Variants in ADA2 observed in about 807,000 individuals in gnomAD.
ADA2 encodes adenosine deaminase 2.
A neutral mutation model predicts 44.2 loss-of-function variants in ADA2; 29 were observed. The ratio of observed to expected loss-of-function variants is 0.66; its 90% CI spans 0.49 to 0.89. The LOEUF is 0.89. Among genes scored for constraint, ADA2 ranks in the 40% least tolerant of loss-of-function variants. The pLI, the probability that ADA2 is intolerant of heterozygous loss-of-function variation, is 0.00. For synonymous variants in ADA2, 215 were observed against 234.9 expected (o/e 0.92, Z 0.77); for missense variants, 637 against 644.8 (o/e 0.99, Z 0.13).
At chr22:17,212,178 C>T (rs936382376) in intron 1 of ADA2, among the ~76,000 whole-genome samples, 2 of 151,918 alleles carry the variant, frequency 1.3e-5, no homozygotes, top group African/African-American at 4.8e-5. Context: ...ACACGTGCCA[C>T]CACGCCCGGC....
At chr22:17,184,448 C>T (rs2062012297) in intron 7 of ADA2, among the ~76,000 whole-genome samples, 1 of 152,166 alleles carries the variant, frequency 6.6e-6, no homozygotes, top group African/African-American at 2.4e-5. Flanking sequence ...TATTTTGCTT[C>T]ACTGGATGTG....
intron 4 of ADA2, among the ~76,000 whole-genome samples, chr22:17,198,966 G>A (rs2062232246): frequency 6.6e-6 from 1 of 152,126 alleles, no homozygotes; most frequent in Admixed American, 6.5e-5. Flanking sequence ...AGGCGAGGGG[G>A]CTCAGCAAAA....
intron 1 of ADA2, among the ~76,000 whole-genome samples, chr22:17,212,093 C>G (rs1288013595): frequency 4.0e-5 from 6 of 151,800 alleles, no homozygotes; most frequent in Non-Finnish European, 7.4e-5. Context: ...GGCGCGATCT[C>G]GGCTCACCGT....
chr22:17,201,442 AT>A (rs2062286505), intron 4 of ADA2, among the ~76,000 whole-genome samples: 1 of 152,162 alleles, frequency 6.6e-6, no homozygotes, highest in African/African-American at 2.4e-5. Context: ...TACTGCCACC[AT>A]GTGGGCCTTT....
rs61262653 is a variant in ADA2 at position 17,207,540 on chromosome 22, A to G, written c.323-250T>C. Among the ~76,000 whole-genome samples, 622 of 152,166 alleles carry G rather than the reference A, an allele frequency of 4.1e-3. 9 individuals carry two copies. The highest frequency in any genetic ancestry group is 0.014 in the African/African-American group (593 of 41,512). ...CAAGCAGAAGGATTTCTGTCCAGAC[A>G]TGTTTCTCGGAACTTGTTTAAGGCT... is the stretch of plus-strand genomic sequence containing the variant. On this transcript the variant is annotated intron_variant, in intron 2 of 9. Transcript: ENST00000399837.
chr22:17,208,821 TAAAAAAAAAAATTAACA>T (rs2062384853), intron 2 of ADA2, among the ~76,000 whole-genome samples: 2 of 136,962 alleles, frequency 1.5e-5, no homozygotes, highest in Non-Finnish European at 3.2e-5. Flanking sequence ...TTTTTTTTAA[TAAAAAAAAAAATTAACA>T]TTTTTTGGGG....
In ADA2 at chr22:17,185,885, C is replaced by T. The variant is rs141205148; in HGVS notation, c.1081+2454G>A. ...TGGGATGCTGAAGAGAGCTGCCCTC[C>T]TGGTCCCGGCCTCCATGTGAACAGC... On this transcript the variant is annotated intron_variant, in intron 7 of 9. Transcript: ENST00000399837. Among the ~76,000 whole-genome samples, 360 of 152,338 alleles carry T rather than the reference C, an allele frequency of 2.4e-3. 1 individual carries two copies. The highest frequency in any genetic ancestry group is 8.3e-3 in the African/African-American group (344 of 41,576).
intron 4 of ADA2, chr22:17,193,073 C>T: frequency 2.2e-6 from 2 of 894,772 alleles, no homozygotes; most frequent in Non-Finnish European, 1.8e-6. Flanking sequence ...CGATGCCCAA[C>T]AGTGGTTATG....
chr22:17,208,734 CA>C (rs1460899700), intron 2 of ADA2, among the ~76,000 whole-genome samples: 3 of 151,346 alleles, frequency 2.0e-5, no homozygotes, highest in Non-Finnish European at 2.9e-5. Context: ...ACCTGGGAGG[CA>C]GAGGTTGCAG....
At chr22:17,188,752 G>GC (rs2062072582) in intron 6 of ADA2, 1 of 177,366 alleles carries the variant, frequency 5.6e-6, no homozygotes, top group Non-Finnish European at 1.2e-5. Flanking sequence ...GGTAGCGGGT[G>GC]CCTGTAGTCC....
chr22:17,221,521 G>A (rs1047871138), upstream of ADA2, among the ~76,000 whole-genome samples: 1 of 151,906 alleles, frequency 6.6e-6, no homozygotes, highest in Non-Finnish European at 1.5e-5. Context: ...TAAAGATCAA[G>A]CTTTTCTTTC....
chr22:17,198,741 G>A (rs2062226183), intron 4 of ADA2: 1 of 152,278 alleles, frequency 6.6e-6, no homozygotes, highest in East Asian at 1.9e-4. Context: ...TCTTGGAAGA[G>A]CCCCATGCTA....
At chr22:17,203,828 C>T (rs1489555905) in intron 3 of ADA2, 55 bp from the exon 4 acceptor site, 27 of 1,269,674 alleles carry the variant, frequency 2.1e-5, no homozygotes, top group Non-Finnish European at 2.7e-5. Context: ...ACACTGCCCC[C>T]GGGCGCCCAT....
At chr22:17,185,739 A>G (rs973802875) in intron 7 of ADA2, among the ~76,000 whole-genome samples, 2 of 152,120 alleles carry the variant, frequency 1.3e-5, no homozygotes, top group African/African-American at 4.8e-5. Context: ...GGAAAAAGAG[A>G]TTAATGCACA....
upstream of ADA2, among the ~76,000 whole-genome samples, chr22:17,220,752 C>A (rs1184832879): frequency 6.6e-6 from 1 of 152,070 alleles, no homozygotes; most frequent in African/African-American, 2.4e-5. Context: ...TTCTGCAGCT[C>A]CCATACATCT....
Position 17,209,720 on chromosome 22 carries a change from G to T in ADA2, c.-43C>A. ...GAAAGGGCTCAGATGGAGACTCCAC[G>T]GGACTGCAAAGGAGAGTGGGGGAGT... On this transcript the variant is annotated 5_prime_UTR_variant, in exon 2 of 10. Coordinates refer to ENST00000399837, the MANE Select transcript of ADA2 (RefSeq NM_001282225.2). 1.3e-6 allele frequency: 2 copies of T among 1,514,818 alleles called. No homozygotes were observed. Among genetic ancestry groups the T allele is most frequent in the Non-Finnish European group, 1.8e-6 (2 of 1,106,666 alleles). The allele number at this position is 1,514,818 out of a possible 1,614,324, so 93.8% of individuals were successfully genotyped here. A position where few individuals can be genotyped will look rare whatever the true frequency, so the allele number is the denominator to read the frequency against.
intron 1 of ADA2, among the ~76,000 whole-genome samples, chr22:17,216,533 G>A (rs577211798): frequency 1.1e-4 from 16 of 152,052 alleles, no homozygotes; most frequent in Non-Finnish European, 2.4e-4. Context: ...TAGGGAGGCC[G>A]AGGCAGGTGG....
chr22:17,214,170 C>G (rs1442686921), intron 1 of ADA2: 2 of 660,766 alleles, frequency 3.0e-6, no homozygotes, highest in Non-Finnish European at 2.7e-6. Context: ...CGCCTGCCCC[C>G]AGTAGGGAGC....
intron 7 of ADA2, among the ~76,000 whole-genome samples, chr22:17,183,225 G>C (rs1258313089): frequency 6.7e-6 from 1 of 150,360 alleles, no homozygotes. Flanking sequence ...CTGGGACTAC[G>C]GGCACACGCC....
Sources: allele counts gnomAD v4.1 joint callset (sites outside exome capture counted in the v4.1 genomes callset), GRCh38; gene constraint gnomAD v4.1.1; transcripts MANE v1.5; gene names NCBI Gene and HGNC (gene_info 2026-07-23, HGNC 2026-07-21).